The following ACMSD variants were observed in gnomAD, a reference collection of about 807,000 sequenced individuals.
ACMSD encodes the protein aminocarboxymuconate semialdehyde decarboxylase.
Under a neutral mutation model 45.9 loss-of-function variants are expected in ACMSD, and 37 were observed. The ratio of observed to expected loss-of-function variants is 0.81; its 90% CI spans 0.62 to 1.06. The LOEUF (loss-of-function observed/expected upper bound fraction) is 1.06. Among genes scored for constraint, ACMSD ranks in the 50% least tolerant of loss-of-function variants. The pLI, the probability that ACMSD is intolerant of heterozygous loss-of-function variation, is 0.00. For synonymous variants in ACMSD, 138 were observed against 148.8 expected (o/e 0.93, Z 0.53); for missense variants, 434 against 420.9 (o/e 1.03, Z -0.27).
At chr2:134,873,216 T>A (rs1381341003) in intron 8 of ACMSD, 1 of 154,262 alleles carries the variant, frequency 6.5e-6, no homozygotes, top group African/African-American at 2.4e-5. Flanking sequence ...GGCTTTTGAT[T>A]CTCTCATTTA....
intron 2 of ACMSD, among the ~76,000 whole-genome samples, chr2:134,852,864 A>G (rs1314929147): frequency 6.6e-6 from 1 of 152,008 alleles, no homozygotes; most frequent in Non-Finnish European, 1.5e-5. Context: ...TGAAAGACTG[A>G]GTTTAAAAAT....
At chr2:134,885,274 TA>T (rs1301815202) in intron 8 of ACMSD, among the ~76,000 whole-genome samples, 2 of 67,430 alleles carry the variant, frequency 3.0e-5, no homozygotes, top group Non-Finnish European at 4.6e-5. Context: ...TATAAATATA[TA>T]TATTATATAT....
chr2:134,874,244 A>G (rs1392204012), intron 8 of ACMSD, among the ~76,000 whole-genome samples: 2 of 152,222 alleles, frequency 1.3e-5, no homozygotes, highest in African/African-American at 4.8e-5. Context: ...TGATGCTGAG[A>G]TCTTACATTC....
intron 8 of ACMSD, among the ~76,000 whole-genome samples, chr2:134,885,158 C>T (rs1343586733): frequency 7.0e-6 from 1 of 143,542 alleles, no homozygotes; most frequent in Non-Finnish European, 1.5e-5. Flanking sequence ...ATCATGCCAC[C>T]GCACTCCAGC....
intron 1 of ACMSD, among the ~76,000 whole-genome samples, chr2:134,843,657 T>C (rs1319359984): frequency 3.3e-5 from 5 of 152,148 alleles, no homozygotes; most frequent in African/African-American, 7.2e-5. Flanking sequence ...AGAGGTTGAG[T>C]TGATGTTCAG....
rs762030101 is a variant in ACMSD at position 134,898,343 on chromosome 2, T to A, written c.852T>A (p.Asp284Glu). The A allele has an allele frequency of 2.0e-5, 32 of 1,582,242 alleles. 1 individual carries two copies. The highest frequency in any genetic ancestry group is 2.7e-5 in the Non-Finnish European group (31 of 1,167,268). Reference sequence around the variant, plus strand: ...GAAATATATATTTTGTTTTTTAGGATAAAGTCATTTTGGGAACCGATTACC... The same window carrying A: ...GAAATATATATTTTGTTTTTTAGGAAAAAGTCATTTTGGGAACCGATTACC... ...LKLLTDVIGK[D>E]KVILGTDYPF... The change falls in exon 9 of 10, where the codon GAT becomes GAA. Residue 284 changes from aspartate to glutamate, a missense_variant and splice_region_variant. Coordinates refer to ENST00000356140, the MANE Select transcript of ACMSD (RefSeq NM_138326.3).
rs111361882 is a variant in ACMSD, at chr2:134,867,848, C to T, written c.580+176C>T. The T allele has an allele frequency of 9.2e-3, 3,569 of 387,296 alleles. 111 individuals carry two copies. The highest frequency in any genetic ancestry group is 0.068 in the African/African-American group (3,270 of 48,320). 24.0% of individuals were successfully genotyped at this position (387,296 alleles called of 1,614,324 possible). On this transcript the variant is annotated intron_variant, in intron 6 of 9. Coordinates refer to ENST00000356140, the MANE Select transcript of ACMSD (RefSeq NM_138326.3). ...TTAATGCTATATATATATATATAACCTCATTTAATTTTAAACATATCCAAT... is the reference window on the plus strand; with the variant it reads ...TTAATGCTATATATATATATATAACTTCATTTAATTTTAAACATATCCAAT...
At chr2:134,871,678 G>GACAC (rs368267244) in intron 7 of ACMSD, among the ~76,000 whole-genome samples, 6,681 of 137,494 alleles carry the variant, frequency 0.049, 193 homozygotes, top group Middle Eastern at 0.15. Context: ...CCCTTCAACA[G>GACAC]ACAGACACAC....
intron 1 of ACMSD, among the ~76,000 whole-genome samples, chr2:134,841,857 C>T (rs865892206): frequency 1.3e-5 from 2 of 152,104 alleles, no homozygotes; most frequent in South Asian, 2.1e-4. Context: ...TGCACTTCAT[C>T]GATATAAGGC....
intron 8 of ACMSD, among the ~76,000 whole-genome samples, chr2:134,882,810 T>A (rs1482939728): frequency 6.6e-6 from 1 of 152,222 alleles, no homozygotes; most frequent in African/African-American, 2.4e-5. Flanking sequence ...TTAGAACCAT[T>A]TTGTAAGCCA....
intron 6 of ACMSD, 157 bp downstream of exon 6, chr2:134,867,829 C>CTATA (rs139257942): frequency 1.3e-5 from 6 of 462,570 alleles, no homozygotes; most frequent in African/African-American, 1.0e-4. Flanking sequence ...TGGATTAATG[C>CTATA]TATATATATA....
At chr2:134,848,625 G>T (rs1044805003) in intron 2 of ACMSD, among the ~76,000 whole-genome samples, 4 of 151,778 alleles carry the variant, frequency 2.6e-5, no homozygotes, top group Non-Finnish European at 4.4e-5. Context: ...TGATGGGGTT[G>T]TTTTTTTTCT....
chr2:134,862,347 A>T (rs1050260004), intron 4 of ACMSD, among the ~76,000 whole-genome samples: 60 of 152,166 alleles, frequency 3.9e-4, no homozygotes, highest in Admixed American at 1.2e-3. Flanking sequence ...TGACAAGCTA[A>T]TATCTTCTGA....
intron 8 of ACMSD, among the ~76,000 whole-genome samples, chr2:134,890,034 T>C (rs1357351057): frequency 6.6e-6 from 1 of 152,008 alleles, no homozygotes; most frequent in African/African-American, 2.4e-5. Flanking sequence ...AGTTAGAAAA[T>C]TATTACTGAA....
intron 8 of ACMSD, among the ~76,000 whole-genome samples, chr2:134,895,978 G>A (rs1690126188): frequency 6.6e-6 from 1 of 152,132 alleles, no homozygotes; most frequent in Non-Finnish European, 1.5e-5. Flanking sequence ...AAGACTCTAT[G>A]GGACTAGCCT....
Position 134,897,885 on chromosome 2 carries a change from GTT to G in ACMSD, c.850-444_850-443del, listed in dbSNP as rs539416140. On this transcript the variant is annotated intron_variant, in intron 8 of 9. Coordinates refer to ENST00000356140, the MANE Select transcript of ACMSD (RefSeq NM_138326.3). ...TTTTCTATTTTTTGTTTTTGTTTTT[GTT>G]TTTTTTTTTTTACTTTTTATCGAGT... 4.5e-5 allele frequency among the ~76,000 whole-genome samples: 6 copies of G among 133,170 alleles called. No homozygotes were observed. In the East Asian group the frequency reaches 6.2e-4, roughly 14 times the overall value. The allele number at this position is 133,170 out of a possible 152,430, so 87.4% of individuals were successfully genotyped here. A position where few individuals can be genotyped will look rare whatever the true frequency, so the allele number is the denominator to read the frequency against.
At chr2:134,891,470 C>T (rs1215782825) in intron 8 of ACMSD, among the ~76,000 whole-genome samples, 1 of 151,870 alleles carries the variant, frequency 6.6e-6, no homozygotes, top group African/African-American at 2.4e-5. Context: ...AAATGGCCAA[C>T]AAATATGTGA....
At chr2:134,886,288 G>A (rs1447101563) in intron 8 of ACMSD, among the ~76,000 whole-genome samples, 2 of 121,654 alleles carry the variant, frequency 1.6e-5, no homozygotes, top group African/African-American at 6.7e-5. Context: ...TCGCTCTGCC[G>A]CCCAGGCTGA....
chr2:134,898,098 G>A (rs1690276871), intron 8 of ACMSD, among the ~76,000 whole-genome samples: 1 of 151,190 alleles, frequency 6.6e-6, no homozygotes, highest in Non-Finnish European at 1.5e-5. Context: ...TTTAAAAAGA[G>A]AGAGAATGGG....
Sources: allele counts gnomAD v4.1 joint callset (sites outside exome capture counted in the v4.1 genomes callset), GRCh38; gene constraint gnomAD v4.1.1; transcripts MANE v1.5; gene names NCBI Gene and HGNC (gene_info 2026-07-23, HGNC 2026-07-21).